DYNC2I2: variants seen among roughly 807,000 people sequenced by gnomAD.
DYNC2I2 encodes the protein cytoplasmic dynein 2 intermediate chain 2.
DYNC2I2 carries 39 observed loss-of-function variants against 52.0 expected under a neutral mutation model. That is an observed-to-expected ratio of 0.75 (90% confidence interval 0.58 to 0.98). The LOEUF is 0.98. Among genes scored for constraint, DYNC2I2 ranks in the 50% least tolerant of loss-of-function variants. The pLI, the probability that DYNC2I2 is intolerant of heterozygous loss-of-function variation, is 0.00. For synonymous variants in DYNC2I2, 359 were observed against 321.1 expected (o/e 1.12, Z -1.26); for missense variants, 743 against 728.4 (o/e 1.02, Z -0.23).
intron 1 of DYNC2I2, among the ~76,000 whole-genome samples, chr9:128,653,967 C>A (rs567982460): frequency 1.3e-5 from 2 of 152,248 alleles, no homozygotes; most frequent in African/African-American, 4.8e-5. Context: ...GCCGAGATTG[C>A]GCCACTGCAC....
At chr9:128,639,983 G>A (rs908125347) in intron 2 of DYNC2I2, among the ~76,000 whole-genome samples, 1 of 140,808 alleles carries the variant, frequency 7.1e-6, no homozygotes, top group Non-Finnish European at 1.5e-5. Context: ...GTTGTTTTGA[G>A]GAGTGAAGAA....
chr9:128,648,929 C>T (rs949381618), intron 1 of DYNC2I2, among the ~76,000 whole-genome samples: 1 of 152,074 alleles, frequency 6.6e-6, no homozygotes, highest in Admixed American at 6.6e-5. Context: ...AGAGGCCTGC[C>T]AGGGAGTGAA....
intron 1 of DYNC2I2, among the ~76,000 whole-genome samples, chr9:128,648,847 C>G (rs1860670981): frequency 6.6e-6 from 1 of 150,992 alleles, no homozygotes; most frequent in Non-Finnish European, 1.5e-5. Context: ...GAAGCTACAG[C>G]CAGTCCAGAA....
At chr9:128,664,243 C>A in the DYNC2I2 span, among the ~76,000 whole-genome samples, 1 of 150,562 alleles carries the variant, frequency 6.6e-6, no homozygotes, top group East Asian at 2.0e-4. Context: ...TGAGCCACCA[C>A]GCCCAGCCTG....
chr9:128,662,067 A>G, the DYNC2I2 span, among the ~76,000 whole-genome samples: 1 of 149,806 alleles, frequency 6.7e-6, no homozygotes, highest in Admixed American at 6.7e-5. Flanking sequence ...CCCCATCTCT[A>G]CTAAACATAC....
intron 2 of DYNC2I2, among the ~76,000 whole-genome samples, chr9:128,637,410 C>T (rs1157048635): frequency 1.3e-5 from 2 of 152,198 alleles, no homozygotes; most frequent in Non-Finnish European, 2.9e-5. Flanking sequence ...CTGTGCTACA[C>T]GCACATGATT....
chr9:128,645,338 A>C (rs1187470677), intron 1 of DYNC2I2, among the ~76,000 whole-genome samples: 1 of 152,090 alleles, frequency 6.6e-6, no homozygotes, highest in African/African-American at 2.4e-5. Flanking sequence ...TCTACTAAAA[A>C]TACATAAATT....
intron 1 of DYNC2I2, among the ~76,000 whole-genome samples, chr9:128,652,859 A>G (rs1227436480): frequency 6.6e-6 from 1 of 150,656 alleles, no homozygotes; most frequent in African/African-American, 2.5e-5. Context: ...CGGAGGTTGC[A>G]GTGAGCCAAG....
chr9:128,634,202 C>G (rs773142203), intron 8 of DYNC2I2, 24 bp downstream of exon 8: 7 of 1,612,794 alleles, frequency 4.3e-6, no homozygotes, highest in Non-Finnish European at 5.9e-6. Flanking sequence ...TTAAACAGAT[C>G]CAGGCCTAGC....
chr9:128,684,030 A>G, the DYNC2I2 span: 2 of 1,506,878 alleles, frequency 1.3e-6, no homozygotes, highest in Middle Eastern at 1.7e-4. Flanking sequence ...GCTAAGTTTT[A>G]TTGGAGATTT....
the DYNC2I2 span, among the ~76,000 whole-genome samples, chr9:128,676,165 C>A: frequency 1.4e-4 from 21 of 151,978 alleles, no homozygotes; most frequent in African/African-American, 4.6e-4. Context: ...AAGACCCTGT[C>A]TCAATTTAAA....
chr9:128,671,606 G>A, the DYNC2I2 span, among the ~76,000 whole-genome samples: 1 of 151,064 alleles, frequency 6.6e-6, no homozygotes, highest in Non-Finnish European at 1.5e-5. Context: ...CAGAGTAGCT[G>A]GGACTACAGG....
At chr9:128,677,626 C>T in the DYNC2I2 span, among the ~76,000 whole-genome samples, 15 of 151,634 alleles carry the variant, frequency 9.9e-5, no homozygotes, top group South Asian at 2.5e-3. Context: ...GGCGAAACCC[C>T]GTCTCTACTA....
chr9:128,652,296 G>A (rs1860731478), intron 1 of DYNC2I2, among the ~76,000 whole-genome samples: 1 of 150,660 alleles, frequency 6.6e-6, no homozygotes, highest in South Asian at 2.1e-4. Context: ...GCTGGGCATG[G>A]TGGCAGGCAC....
the DYNC2I2 span, chr9:128,683,852 G>A: frequency 6.0e-6 from 9 of 1,489,726 alleles, no homozygotes; most frequent in African/African-American, 2.8e-5. Context: ...GCTTCCGGAC[G>A]GGCGAGGAGA....
At chr9:128,682,282 T>C in the DYNC2I2 span, among the ~76,000 whole-genome samples, 6 of 151,884 alleles carry the variant, frequency 4.0e-5, no homozygotes, top group Non-Finnish European at 8.8e-5. Context: ...TCTCCTGACC[T>C]CGTGATCCAC....
rs552182196 is a variant in DYNC2I2 at position 128,654,208 on chromosome 9, T to C, written c.186+2333A>G. Among the ~76,000 whole-genome samples the C allele has an allele frequency of 3.3e-5, 5 of 152,226 alleles. No individual in the cohort carries two copies. The South Asian group carries it at 8.3e-4, about 25-fold the overall frequency. On this transcript the variant is annotated intron_variant, in intron 1 of 8. Transcript: ENST00000372715. ...GGAAGTGCGTGCAAGCCACATCAGA[T>C]CCTGGCTTCAGCTGGGCAGACTTCT...
At position 128,635,276 on chromosome 9, in the gene DYNC2I2, C is replaced by A; in HGVS notation, c.814-17G>T. The A allele has an allele frequency of 6.2e-7, 1 of 1,611,192 alleles. No homozygotes were observed. Among genetic ancestry groups the A allele is most frequent in the Non-Finnish European group, 8.5e-7 (1 of 1,178,878 alleles). On this transcript the variant is annotated splice_polypyrimidine_tract_variant and intron_variant, in intron 5 of 8. Coordinates refer to ENST00000372715, the MANE Select transcript of DYNC2I2 (RefSeq NM_052844.4). ...CCACACCACCTGAGTTAACAGCATG[C>A]AGGGCCAGGATGGAGACAAGGGACA... is the stretch of plus-strand genomic sequence containing the variant.
the DYNC2I2 span, among the ~76,000 whole-genome samples, chr9:128,671,231 C>T: frequency 7.3e-5 from 11 of 150,698 alleles, no homozygotes; most frequent in Non-Finnish European, 1.5e-4. Flanking sequence ...CCCAGGAGTT[C>T]AAGACTACAG....
Sources: allele counts gnomAD v4.1 joint callset (sites outside exome capture counted in the v4.1 genomes callset), GRCh38; gene constraint gnomAD v4.1.1; transcripts MANE v1.5; gene names NCBI Gene and HGNC (gene_info 2026-07-23, HGNC 2026-07-21).